Variants in SPHKAP observed in about 807,000 individuals in gnomAD.
SPHKAP encodes the protein SPHK1 interactor, AKAP domain containing.
A neutral mutation model predicts 137.5 loss-of-function variants in SPHKAP; 67 were observed. The ratio of observed to expected loss-of-function variants is 0.49; its 90% CI spans 0.40 to 0.60. SPHKAP has a LOEUF of 0.60. SPHKAP is among the 20% of genes least tolerant of loss of function. The pLI, the probability that SPHKAP is intolerant of heterozygous loss-of-function variation, is 0.00. For synonymous variants in SPHKAP, 813 were observed against 785.3 expected (o/e 1.04, Z -0.59); for missense variants, 2,097 against 2,069.3 (o/e 1.01, Z -0.26).
rs1179666046 is a variant in SPHKAP at position 227,980,921 on chromosome 2, C to A, written c.*796G>T. ...TATTTCATATTATTCAAGACACAAG[C>A]AGATTTTATCTGAAAAGACTTTTTT... On this transcript the variant is annotated 3_prime_UTR_variant, in exon 12 of 12. Transcript: ENST00000392056. The A allele has an allele frequency of 6.6e-6, 1 of 152,158 alleles. No homozygotes were observed. Among genetic ancestry groups the A allele is most frequent in the Admixed American group, 6.5e-5 (1 of 15,274 alleles). 9.4% of individuals were successfully genotyped at this position (152,158 alleles called of 1,614,324 possible). A position where few individuals can be genotyped will look rare whatever the true frequency, so the allele number is the denominator to read the frequency against.
chr2:227,981,966 T>G, intron 11 of SPHKAP, 106 bp from the exon 12 acceptor site: 1 of 1,406,854 alleles, frequency 7.1e-7, no homozygotes, highest in African/African-American at 1.5e-5. Flanking sequence ...TCTGTTTAAA[T>G]GTCTCTAGTG....
intron 5 of SPHKAP, among the ~76,000 whole-genome samples, chr2:228,023,334 C>G (rs144839048): frequency 6.6e-6 from 1 of 152,110 alleles, no homozygotes; most frequent in Non-Finnish European, 1.5e-5. Context: ...TGGGTATGGA[C>G]CTGCAGCCAT....
At chr2:228,125,880 C>G (rs1699061502) in intron 2 of SPHKAP, among the ~76,000 whole-genome samples, 1 of 152,070 alleles carries the variant, frequency 6.6e-6, no homozygotes, top group African/African-American at 2.4e-5. Flanking sequence ...AGTTCGAGAA[C>G]AGCCTGGCCA....
At chr2:227,997,685 TAGCTGG>T (rs1279568213) in intron 7 of SPHKAP, among the ~76,000 whole-genome samples, 1 of 152,232 alleles carries the variant, frequency 6.6e-6, no homozygotes, top group East Asian at 1.9e-4. Flanking sequence ...TTAATCTTTT[TAGCTGG>T]AGCTCTCTCC....
chr2:228,117,610 AG>A (rs1420332820), intron 2 of SPHKAP, among the ~76,000 whole-genome samples: 1 of 152,182 alleles, frequency 6.6e-6, no homozygotes, highest in East Asian at 1.9e-4. Flanking sequence ...TCTTTACTCC[AG>A]GTAACATTTT....
rs527951203 is a variant in SPHKAP, at chr2:228,006,612, C to T, written c.4448+9794G>A. 2.5e-3 allele frequency among the ~76,000 whole-genome samples: 388 copies of T among 152,184 alleles called. 1 individual carries two copies. Among genetic ancestry groups the T allele is most frequent in the Non-Finnish European group, 4.4e-3 (296 of 68,016 alleles). Reference sequence around the variant, plus strand: ...GTGCGTTCCTTTGGAGGAGGAGAGGCGCTCTGATTTTTAGAATTTTCAGTT... The same window carrying T: ...GTGCGTTCCTTTGGAGGAGGAGAGGTGCTCTGATTTTTAGAATTTTCAGTT... On this transcript the variant is annotated intron_variant, in intron 7 of 11. Coordinates refer to ENST00000392056, the MANE Select transcript of SPHKAP (RefSeq NM_001142644.2).
intron 1 of SPHKAP, among the ~76,000 whole-genome samples, chr2:228,140,268 A>G (rs1362357011): frequency 5.3e-5 from 8 of 151,854 alleles, no homozygotes; most frequent in Non-Finnish European, 1.2e-4. Flanking sequence ...ATTTCTAAAA[A>G]AAAAAAAAAT....
chr2:228,057,084 C>G (rs1574807859), intron 3 of SPHKAP, among the ~76,000 whole-genome samples: 1 of 152,176 alleles, frequency 6.6e-6, no homozygotes, highest in East Asian at 1.9e-4. Flanking sequence ...TTGACATTAT[C>G]CCTCACTTCT....
In SPHKAP at chr2:228,032,741, G is replaced by T. The variant is rs570079674; in HGVS notation, c.247-5198C>A. ...CAATATTCAACATTCTTAAAGAAAA[G>T]AATTTTCAACCCAGAATTTCATATC... On this transcript the variant is annotated intron_variant, in intron 3 of 11. Transcript: ENST00000392056. Among the ~76,000 whole-genome samples the T allele has an allele frequency of 2.6e-5, 4 of 152,250 alleles. No individual in the cohort carries two copies. In the East Asian group the frequency reaches 5.8e-4, roughly 22 times the overall value.
intron 3 of SPHKAP, among the ~76,000 whole-genome samples, chr2:228,078,380 C>CGTTTTT (rs1491221427): frequency 7.8e-6 from 1 of 128,198 alleles, no homozygotes; most frequent in African/African-American, 2.9e-5. Context: ...TGTTGGCAGA[C>CGTTTTT]TTTTTTTTTT....
Position 228,019,918 on chromosome 2 carries a change from A to G in SPHKAP, c.936T>C (p.Ala312=), listed in dbSNP as rs1487621150. 19 of 1,614,212 alleles carry G rather than the reference A, an allele frequency of 1.2e-5. No individual in the cohort carries two copies. Among genetic ancestry groups the G allele is most frequent in the Non-Finnish European group, 1.6e-5 (19 of 1,180,024 alleles). Reference sequence around the variant, plus strand: ...GTGTGGCTTGTCTCCCATTCCCCACAGCTTCTCTTTTCCACTGTGATGGCT... The same window carrying G: ...GTGTGGCTTGTCTCCCATTCCCCACGGCTTCTCTTTTCCACTGTGATGGCT... ...SAKPSQWKRE[A]VGNGRQATHY... is the part of the protein sequence containing the mutation. Residue 312 remains alanine, a synonymous_variant, in exon 7 of 12, where the codon GCT becomes GCC. Transcript: ENST00000392056.
intron 3 of SPHKAP, among the ~76,000 whole-genome samples, chr2:228,065,015 C>T (rs909716378): frequency 1.3e-5 from 2 of 152,202 alleles, no homozygotes; most frequent in African/African-American, 4.8e-5. Flanking sequence ...TTATGGCTTG[C>T]TGTAAATACA....
chr2:228,023,239 G>T (rs1001547059), intron 5 of SPHKAP, among the ~76,000 whole-genome samples: 3 of 152,140 alleles, frequency 2.0e-5, no homozygotes, highest in Admixed American at 1.3e-4. Context: ...TCCCCTGGGG[G>T]CTCAAAAATA....
chr2:228,007,181 G>C (rs1296608839), intron 7 of SPHKAP, among the ~76,000 whole-genome samples: 1 of 152,064 alleles, frequency 6.6e-6, no homozygotes, highest in African/African-American at 2.4e-5. Flanking sequence ...TTCAAGTTTT[G>C]TACTATCCTT....
intron 2 of SPHKAP, among the ~76,000 whole-genome samples, chr2:228,120,234 T>C: frequency 6.6e-6 from 1 of 152,182 alleles, no homozygotes; most frequent in Non-Finnish European, 1.5e-5. Flanking sequence ...CATCTTATGA[T>C]AAACATACAA....
chr2:228,063,425 A>G (rs1696724009), intron 3 of SPHKAP, among the ~76,000 whole-genome samples: 1 of 152,224 alleles, frequency 6.6e-6, no homozygotes, highest in Non-Finnish European at 1.5e-5. Flanking sequence ...TTAGTAAGAC[A>G]TAGTGTTGAT....
chr2:228,049,658 T>C (rs886288188), intron 3 of SPHKAP, among the ~76,000 whole-genome samples: 4 of 152,192 alleles, frequency 2.6e-5, no homozygotes, highest in African/African-American at 9.6e-5. Flanking sequence ...CCCACCTCTC[T>C]TCCTGCTCTA....
chr2:228,137,921 C>A (rs1287052122), intron 1 of SPHKAP, among the ~76,000 whole-genome samples: 1 of 152,168 alleles, frequency 6.6e-6, no homozygotes, highest in Non-Finnish European at 1.5e-5. Context: ...TTTTCAAAAA[C>A]TGACTTGTTT....
At position 228,018,245 on chromosome 2, in the gene SPHKAP, C is replaced by T. The variant is rs771484803; in HGVS notation, c.2609G>A (p.Ser870Asn). Residue 870 changes from serine (S) to asparagine (N), a missense_variant, in exon 7 of 12, where the codon AGT becomes AAT. Transcript: ENST00000392056. ...QRSPTVSQSR[S>N]GSQEAEESIH... The stretch of plus-strand genomic sequence containing the variant: ...ACTCTCCTCAGCCTCCTGGGAACCA[C>T]TTCTGGACTGGCTGACCGTTGGGGA... 5.0e-6 allele frequency: 8 copies of T among 1,614,184 alleles called. No homozygotes were observed. The highest frequency in any genetic ancestry group is 1.7e-5 in the Admixed American group (1 of 60,022).
Sources: allele counts gnomAD v4.1 joint callset (sites outside exome capture counted in the v4.1 genomes callset), GRCh38; gene constraint gnomAD v4.1.1; transcripts MANE v1.5; gene names NCBI Gene and HGNC (gene_info 2026-07-23, HGNC 2026-07-21).